The following SUMF1 variants were observed in gnomAD, a reference collection of about 807,000 sequenced individuals.
The protein encoded by SUMF1 is formylglycine-generating enzyme.
SUMF1 carries 48 observed loss-of-function variants against 47.6 expected under a neutral mutation model. The observed-to-expected ratio is 1.01, with a 90% CI of 0.80 to 1.28. SUMF1 has a LOEUF of 1.28. Ranked by LOEUF, SUMF1 falls within the 50% of genes most tolerant of loss-of-function variation. The pLI is 0.00. For missense variants in SUMF1, 571 were observed against 485.4 expected, an observed-to-expected ratio of 1.18 and a Z score of -1.66; for synonymous variants, 230 against 192.1, an observed-to-expected ratio of 1.20 and a Z score of -1.63.
intron 8 of SUMF1, chr3:4,312,775 T>C (rs1698461200): frequency 1.6e-5 from 19 of 1,154,694 alleles, no homozygotes; most frequent in Non-Finnish European, 2.3e-5. Flanking sequence ...TGCTGTGTTT[T>C]GACAGTTTTG....
chr3:4,326,522 G>GTTT (rs35648890), intron 8 of SUMF1, among the ~76,000 whole-genome samples: 13,511 of 128,640 alleles, frequency 0.11, 949 homozygotes, highest in Non-Finnish European at 0.13. Context: ...TTTTCCAAGG[G>GTTT]TTTTTTTTTT....
chr3:4,098,434 TTTTG>T (rs2125059291), intron 8 of SUMF1, among the ~76,000 whole-genome samples: 1 of 152,222 alleles, frequency 6.6e-6, no homozygotes, highest in African/African-American at 2.4e-5. Context: ...CTCACCTACA[TTTTG>T]TTTTTTAATC....
intron 8 of SUMF1, among the ~76,000 whole-genome samples, chr3:4,328,754 T>C (rs1375011914): frequency 1.3e-5 from 2 of 152,152 alleles, no homozygotes; most frequent in Non-Finnish European, 2.9e-5. Context: ...TTCCCAACAG[T>C]TCCCCAAAGT....
intron 8 of SUMF1, among the ~76,000 whole-genome samples, chr3:4,147,228 T>C (rs1054016135): frequency 1.3e-5 from 2 of 152,118 alleles, no homozygotes; most frequent in Admixed American, 6.5e-5. Context: ...GACTGTAAAC[T>C]AGTTCAACCA....
At chr3:4,264,990 G>C (rs1697159893) in intron 8 of SUMF1, among the ~76,000 whole-genome samples, 1 of 151,994 alleles carries the variant, frequency 6.6e-6, no homozygotes, top group Non-Finnish European at 1.5e-5. Flanking sequence ...AAAATTAGCT[G>C]TGTGTGGTGG....
At chr3:4,158,341 T>G (rs1397956603) in intron 8 of SUMF1, among the ~76,000 whole-genome samples, 1 of 151,660 alleles carries the variant, frequency 6.6e-6, no homozygotes, top group African/African-American at 2.4e-5. Context: ...TTTGAATTTT[T>G]TTTGAATGTT....
chr3:4,253,690 C>G (rs889751602), intron 8 of SUMF1, among the ~76,000 whole-genome samples: 1 of 150,928 alleles, frequency 6.6e-6, no homozygotes, highest in Non-Finnish European at 1.5e-5. Context: ...GGGGGAGGGG[C>G]GCCCGCCATT....
chr3:4,242,956 G>A (rs1575011890), intron 8 of SUMF1, among the ~76,000 whole-genome samples: 1 of 152,298 alleles, frequency 6.6e-6, no homozygotes, highest in African/African-American at 2.4e-5. Context: ...TTCAGAGCCT[G>A]TTATTGGTCT....
intron 8 of SUMF1, among the ~76,000 whole-genome samples, chr3:4,231,868 G>A: frequency 6.6e-6 from 1 of 152,228 alleles, no homozygotes; most frequent in Non-Finnish European, 1.5e-5. Flanking sequence ...CATAAAGAAT[G>A]TATCAACTCT....
intron 8 of SUMF1, among the ~76,000 whole-genome samples, chr3:4,279,984 A>G (rs1697494309): frequency 6.6e-6 from 1 of 152,140 alleles, no homozygotes; most frequent in African/African-American, 2.4e-5. Context: ...AAAGGATGTG[A>G]CTCAACTTTA....
chr3:4,179,192 G>A (rs977435984), intron 8 of SUMF1, among the ~76,000 whole-genome samples: 6 of 152,092 alleles, frequency 3.9e-5, no homozygotes, highest in Non-Finnish European at 7.4e-5. Context: ...CTACTTTAAA[G>A]TTCATATGGA....
chr3:4,426,985 A>G (rs889678021), intron 3 of SUMF1, among the ~76,000 whole-genome samples: 1 of 152,242 alleles, frequency 6.6e-6, no homozygotes, highest in African/African-American at 2.4e-5. Context: ...AATGGACTTC[A>G]GAGAGCAAAG....
chr3:4,430,071 T>C (rs947246320), intron 3 of SUMF1, among the ~76,000 whole-genome samples: 4 of 152,172 alleles, frequency 2.6e-5, no homozygotes, highest in Non-Finnish European at 4.4e-5. Context: ...AAGCGGCAGA[T>C]AGTGGCAGAG....
chr3:4,107,248 C>T (rs919942086), intron 8 of SUMF1, among the ~76,000 whole-genome samples: 1 of 152,110 alleles, frequency 6.6e-6, no homozygotes, highest in Admixed American at 6.5e-5. Context: ...GATGCCCATA[C>T]TGAATAAATG....
chr3:4,221,945 AT>A (rs149563974), intron 8 of SUMF1, among the ~76,000 whole-genome samples: 8 of 150,424 alleles, frequency 5.3e-5, no homozygotes, highest in East Asian at 2.0e-4. Flanking sequence ...ATATCCTCTG[AT>A]TTTTTTTTGC....
intron 8 of SUMF1, among the ~76,000 whole-genome samples, chr3:4,136,822 G>A (rs1007239335): frequency 1.3e-5 from 2 of 151,836 alleles, no homozygotes; most frequent in Admixed American, 1.3e-4. Context: ...GATATGAACA[G>A]ACACTTCTCC....
chr3:4,352,027 T>C (rs907097241), intron 8 of SUMF1, among the ~76,000 whole-genome samples: 4 of 152,124 alleles, frequency 2.6e-5, no homozygotes, highest in Admixed American at 1.3e-4. Flanking sequence ...CCAGAGCCCA[T>C]GTTCTTAACC....
intron 8 of SUMF1, chr3:4,229,282 C>G (rs1696246016): frequency 2.8e-6 from 1 of 354,888 alleles, no homozygotes; most frequent in Non-Finnish European, 5.5e-6. Context: ...CCTTCATATG[C>G]TAGCAACTAG....
Position 4,190,467 on chromosome 3 carries a change from A to G in SUMF1, c.1015-121722T>C, listed in dbSNP as rs117880727. Among the ~76,000 whole-genome samples, 5 of 143,424 alleles carry G rather than the reference A, an allele frequency of 3.5e-5. No homozygotes were observed. In the East Asian group the frequency reaches 7.7e-4, roughly 22 times the overall value. The allele number at this position is 143,424 out of a possible 152,430, so 94.1% of individuals were successfully genotyped here. ...TCACATGGGGCATCTCAGTCTTATGAAGGCCAATAAGAAGTATCTTTGGCA... is the reference window on the plus strand; with the variant it reads ...TCACATGGGGCATCTCAGTCTTATGGAGGCCAATAAGAAGTATCTTTGGCA... On this transcript the variant is annotated intron_variant and NMD_transcript_variant, in intron 8 of 12. Transcript: ENST00000448413.
Sources: allele counts gnomAD v4.1 joint callset (sites outside exome capture counted in the v4.1 genomes callset), GRCh38; gene constraint gnomAD v4.1.1; transcripts MANE v1.5; gene names NCBI Gene and HGNC (gene_info 2026-07-23, HGNC 2026-07-21).